STK32B: variants seen among roughly 807,000 people sequenced by gnomAD.
The protein encoded by STK32B is serine/threonine-protein kinase 32B.
In STK32B, 43 loss-of-function variants were observed where a neutral mutation model predicts 52.6. The ratio of observed to expected loss-of-function variants is 0.82; its 90% confidence interval spans 0.64 to 1.05. The LOEUF (loss-of-function observed/expected upper bound fraction) is 1.05. Ranked by LOEUF, STK32B falls within the 50% of genes least tolerant of loss-of-function variation. The pLI is 0.00. For synonymous variants in STK32B, 238 were observed against 204.3 expected (o/e 1.17, Z -1.41); for missense variants, 621 against 534.6 (o/e 1.16, Z -1.59).
rs570853181 is a variant in STK32B at position 5,380,970 on chromosome 4, C to T, written c.435-17237C>T. ...CCGTCCTCCCAACTCTCTGGCCCAC[C>T]GCCTGGGAAGCAATTTGCAGAGCAG... is the stretch of plus-strand genomic sequence containing the variant. On this transcript the variant is annotated intron_variant, in intron 4 of 11. Transcript: ENST00000282908. This position sits in a 1 kb window ranked among gnomAD's most constrained non-coding sequence, Gnocchi z 4.3. 1.2e-4 allele frequency among the ~76,000 whole-genome samples: 18 copies of T among 152,304 alleles called. No homozygotes were observed. The highest frequency in any genetic ancestry group is 2.0e-4 in the Admixed American group (3 of 15,302).
At chr4:5,089,412 C>T (rs1014845216) in intron 1 of STK32B, among the ~76,000 whole-genome samples, 19 of 152,112 alleles carry the variant, frequency 1.2e-4, no homozygotes, top group African/African-American at 4.6e-4. Flanking sequence ...GTTCAACTCC[C>T]ACTTGTGAGT....
intron 3 of STK32B, among the ~76,000 whole-genome samples, chr4:5,271,894 G>A (rs895556232): frequency 7.1e-6 from 1 of 141,824 alleles, no homozygotes; most frequent in Non-Finnish European, 1.5e-5. Flanking sequence ...TCAGCTTAAG[G>A]AGATATTGGG....
chr4:5,063,548 G>A (rs1742298698), intron 1 of STK32B, among the ~76,000 whole-genome samples: 1 of 152,014 alleles, frequency 6.6e-6, no homozygotes, highest in Non-Finnish European at 1.5e-5. Flanking sequence ...TCACCATGTT[G>A]GCCAGGCTGG....
At chr4:5,444,091 G>GAGGC (rs1715094382) in intron 6 of STK32B, among the ~76,000 whole-genome samples, 2 of 152,190 alleles carry the variant, frequency 1.3e-5, no homozygotes, top group South Asian at 4.1e-4. Context: ...GGAGCCTACA[G>GAGGC]AGGCAGGCAG....
intron 9 of STK32B, among the ~76,000 whole-genome samples, chr4:5,465,178 A>T (rs1384128437): frequency 6.6e-6 from 1 of 152,184 alleles, no homozygotes; most frequent in Non-Finnish European, 1.5e-5. Context: ...TAGCCCACGA[A>T]TGACACAGTG....
At chr4:5,132,660 A>T (rs1026133533) in intron 1 of STK32B, among the ~76,000 whole-genome samples, 5 of 152,134 alleles carry the variant, frequency 3.3e-5, no homozygotes, top group Admixed American at 6.5e-5. Flanking sequence ...TGACAGCAGG[A>T]TTTCAGCCCA....
intron 3 of STK32B, among the ~76,000 whole-genome samples, chr4:5,178,114 A>G (rs1038444710): frequency 5.3e-5 from 8 of 152,232 alleles, no homozygotes; most frequent in African/African-American, 9.6e-5. Flanking sequence ...GAGGTTCTCC[A>G]TAAGGGCTCT....
intron 3 of STK32B, among the ~76,000 whole-genome samples, chr4:5,327,756 C>A (rs1731972602): frequency 6.6e-6 from 1 of 152,130 alleles, no homozygotes; most frequent in Admixed American, 6.5e-5. Context: ...TGACCAGCTG[C>A]TAAAACAAGA....
chr4:5,150,675 C>T, intron 2 of STK32B, among the ~76,000 whole-genome samples: 1 of 151,852 alleles, frequency 6.6e-6, no homozygotes, highest in East Asian at 1.9e-4. Flanking sequence ...ACATTTGAGG[C>T]TCCACTTGGA....
chr4:5,278,100 C>CA (rs1485698034), intron 3 of STK32B, among the ~76,000 whole-genome samples: 2 of 152,172 alleles, frequency 1.3e-5, no homozygotes, highest in Non-Finnish European at 2.9e-5. Flanking sequence ...TGACAGGCCC[C>CA]AGGGGTGGCA....
rs538259823 is a variant in STK32B at position 5,406,091 on chromosome 4, C to T, written c.472+7847C>T. On this transcript the variant is annotated intron_variant, in intron 5 of 11. Coordinates refer to ENST00000282908, the MANE Select transcript of STK32B (RefSeq NM_018401.3). ...GGGCATTACAGGCATTGGGTAAATA[C>T]AACTGTTCCAAAAGGGAGAGATCAG... 9.1e-4 allele frequency among the ~76,000 whole-genome samples: 139 copies of T among 152,302 alleles called. 3 individuals carry two copies. Among genetic ancestry groups the T allele is most frequent in the African/African-American group, 3.2e-3 (133 of 41,554 alleles).
rs537331990 is a variant in STK32B at position 5,442,603 on chromosome 4, C to T, written c.563-4070C>T. On this transcript the variant is annotated intron_variant, in intron 6 of 11. Coordinates refer to ENST00000282908, the MANE Select transcript of STK32B (RefSeq NM_018401.3). Reference sequence around the variant, plus strand: ...TTAATTGGAGCATTTAGTCCATTTACATTTAAAGTTAATATTGTTATGTGT... The same window carrying T: ...TTAATTGGAGCATTTAGTCCATTTATATTTAAAGTTAATATTGTTATGTGT... Among the ~76,000 whole-genome samples the T allele has an allele frequency of 5.3e-4, 80 of 151,564 alleles. 4 individuals are homozygous for T. In the South Asian group the frequency reaches 0.011, roughly 21 times the overall value.
At chr4:5,080,931 T>G (rs1056374744) in intron 1 of STK32B, among the ~76,000 whole-genome samples, 2 of 152,092 alleles carry the variant, frequency 1.3e-5, no homozygotes, top group Non-Finnish European at 2.9e-5. Flanking sequence ...AGTCTGTACC[T>G]TTTAGCCAAC....
At chr4:5,302,863 C>A (rs1467224240) in intron 3 of STK32B, among the ~76,000 whole-genome samples, 2 of 151,726 alleles carry the variant, frequency 1.3e-5, no homozygotes, top group Non-Finnish European at 2.9e-5. Flanking sequence ...GTTTGGTATT[C>A]CATTCCTGAG....
In STK32B at chr4:5,089,226, T is replaced by TA. The variant is rs34356123; in HGVS notation, c.52+37321dup. 2.6e-3 allele frequency among the ~76,000 whole-genome samples: 389 copies of TA among 149,342 alleles called. 1 individual carries two copies. Among genetic ancestry groups the TA allele is most frequent in the African/African-American group, 8.6e-3 (352 of 40,694 alleles). ...ACAAATTTCTTTTTTTTCTTTATTC[T>TA]AAAAAAAAAACAGGGATACACATGC... On this transcript the variant is annotated intron_variant, in intron 1 of 11. Coordinates refer to ENST00000282908, the MANE Select transcript of STK32B (RefSeq NM_018401.3).
intron 6 of STK32B, chr4:5,436,712 C>T: frequency 1.0e-6 from 1 of 968,730 alleles, no homozygotes; most frequent in Non-Finnish European, 1.2e-6. Context: ...CTGAATATCA[C>T]TGTGACAGTC....
intron 3 of STK32B, among the ~76,000 whole-genome samples, chr4:5,211,717 A>T (rs992360755): frequency 3.3e-5 from 5 of 152,174 alleles, no homozygotes; most frequent in African/African-American, 1.2e-4. Context: ...CTCTCTGGGG[A>T]AGAAAGAACA....
At chr4:5,311,465 A>G (rs530090228) in intron 3 of STK32B, among the ~76,000 whole-genome samples, 1 of 152,300 alleles carries the variant, frequency 6.6e-6, no homozygotes, top group East Asian at 1.9e-4. Context: ...TGAAAATAGG[A>G]GAACAGTAGA....
At chr4:5,381,524 C>A (rs1284677226) in intron 4 of STK32B, among the ~76,000 whole-genome samples, 1 of 152,212 alleles carries the variant, frequency 6.6e-6, no homozygotes, top group Non-Finnish European at 1.5e-5. Context: ...CGTGCAGTAG[C>A]CAGTTCAGTG....
Sources: gnomAD v4.1 joint callset for allele counts (sites outside exome capture counted in the v4.1 genomes callset) on GRCh38, gnomAD v4.1.1 for gene constraint, Gnocchi (gnomAD v3.1) non-coding constraint, MANE v1.5 for transcripts, NCBI Gene and HGNC (gene_info 2026-07-23, HGNC 2026-07-21) for gene names.